Variants in TMEM163 observed in about 807,000 individuals in gnomAD.
TMEM163 encodes the protein transmembrane protein 163.
A neutral mutation model predicts 29.3 loss-of-function variants in TMEM163; 17 were observed. That is an observed-to-expected ratio of 0.58 (90% CI 0.40 to 0.87). The LOEUF is 0.87. Among genes scored for constraint, TMEM163 ranks in the 40% least tolerant of loss-of-function variants. TMEM163 has a pLI of 0.00. For missense variants in TMEM163, 303 were observed against 381.5 expected, an observed-to-expected ratio of 0.79 and a Z score of 1.71; for synonymous variants, 157 against 160.6, an observed-to-expected ratio of 0.98 and a Z score of 0.17.
chr2:134,517,203 T>C (rs1395941195), intron 4 of TMEM163, among the ~76,000 whole-genome samples: 1 of 152,196 alleles, frequency 6.6e-6, no homozygotes, highest in Non-Finnish European at 1.5e-5. Context: ...TCTGTGGACA[T>C]GAATTCCCTG....
intron 2 of TMEM163, among the ~76,000 whole-genome samples, chr2:134,662,017 C>T (rs1393841923): frequency 6.8e-6 from 1 of 147,688 alleles, no homozygotes; most frequent in Non-Finnish European, 1.5e-5. Flanking sequence ...CTGTAAGCTC[C>T]ACCTCCCGGG....
chr2:134,567,636 A>G (rs181989526), intron 2 of TMEM163, among the ~76,000 whole-genome samples: 3 of 152,318 alleles, frequency 2.0e-5, no homozygotes, highest in Admixed American at 6.5e-5. Context: ...GGTTGCAGTG[A>G]GCCTAGATCA....
chr2:134,533,353 TTGTG>T (rs1027368546), intron 4 of TMEM163, among the ~76,000 whole-genome samples: 7 of 152,304 alleles, frequency 4.6e-5, no homozygotes, highest in African/African-American at 1.7e-4. Context: ...AGTTGTGTGT[TTGTG>T]TGTGTGCACG....
At chr2:134,606,593 G>A (rs1174685115) in intron 2 of TMEM163, among the ~76,000 whole-genome samples, 4 of 152,152 alleles carry the variant, frequency 2.6e-5, no homozygotes, top group Non-Finnish European at 4.4e-5. Context: ...TGGGGAAGAG[G>A]AGCTGCGCGA....
intron 6 of TMEM163, among the ~76,000 whole-genome samples, chr2:134,465,189 T>TTAA (rs1553471745): frequency 8.5e-6 from 1 of 117,734 alleles, no homozygotes; most frequent in African/African-American, 3.7e-5. Flanking sequence ...TCCGCATCTT[T>TTAA]AAAAAAAAAA....
At chr2:134,660,119 G>A (rs1683715397) in intron 2 of TMEM163, among the ~76,000 whole-genome samples, 1 of 152,182 alleles carries the variant, frequency 6.6e-6, no homozygotes, top group Non-Finnish European at 1.5e-5. Context: ...AAGTCAGCAA[G>A]TGCTCCTATG....
At chr2:134,537,098 G>C (rs1680558645) in intron 4 of TMEM163, among the ~76,000 whole-genome samples, 1 of 152,322 alleles carries the variant, frequency 6.6e-6, no homozygotes, top group Non-Finnish European at 1.5e-5. Flanking sequence ...GTCTCACTTA[G>C]ACCCAAACCA....
At chr2:134,599,423 G>A (rs1303099906) in intron 2 of TMEM163, among the ~76,000 whole-genome samples, 1 of 152,126 alleles carries the variant, frequency 6.6e-6, no homozygotes, top group Non-Finnish European at 1.5e-5. Flanking sequence ...CCTAATGAAT[G>A]GGATTAGTGC....
intron 2 of TMEM163, among the ~76,000 whole-genome samples, chr2:134,555,574 G>C (rs532781077): frequency 1.3e-4 from 20 of 152,328 alleles, no homozygotes; most frequent in Middle Eastern, 3.4e-3. Flanking sequence ...GGGCGACCAG[G>C]CAGCCGTGGG....
At chr2:134,500,660 T>A (rs576080442) in intron 5 of TMEM163, among the ~76,000 whole-genome samples, 6 of 151,756 alleles carry the variant, frequency 4.0e-5, no homozygotes, top group Non-Finnish European at 1.5e-5. Context: ...AAAAGTGACA[T>A]CCTGTCATTC....
In TMEM163 at chr2:134,718,993, A is replaced by G; in HGVS notation, c.-58T>C. The G allele has an allele frequency of 3.1e-6, 3 of 962,412 alleles. No homozygotes were observed. Among genetic ancestry groups the G allele is most frequent in the Middle Eastern group, 5.2e-4 (1 of 1,932 alleles). The allele number at this position is 962,412 out of a possible 1,614,324, so 59.6% of individuals were successfully genotyped here. On this transcript the variant is annotated 5_prime_UTR_variant, in exon 1 of 8. Coordinates refer to ENST00000281924, the MANE Select transcript of TMEM163 (RefSeq NM_030923.5). ...GACAAGCGCGGCGGGGACTCGAGTCAGAAGTGCGAGGCGCCGCGGCTCTGG... is the reference window on the plus strand; with the variant it reads ...GACAAGCGCGGCGGGGACTCGAGTCGGAAGTGCGAGGCGCCGCGGCTCTGG...
chr2:134,601,878 C>G (rs973633896), intron 2 of TMEM163, among the ~76,000 whole-genome samples: 3 of 152,032 alleles, frequency 2.0e-5, no homozygotes, highest in Admixed American at 6.6e-5. Flanking sequence ...ACAGAGTAGA[C>G]AAAGCAAGCC....
intron 2 of TMEM163, among the ~76,000 whole-genome samples, chr2:134,554,207 G>A (rs983903535): frequency 3.3e-5 from 5 of 151,922 alleles, no homozygotes; most frequent in East Asian, 3.9e-4. Context: ...GGGGGATCAC[G>A]AGGTCAAGAG....
At chr2:134,579,786 A>G (rs1182302779) in intron 2 of TMEM163, among the ~76,000 whole-genome samples, 1 of 152,226 alleles carries the variant, frequency 6.6e-6, no homozygotes, top group Non-Finnish European at 1.5e-5. Flanking sequence ...AAATACTCAC[A>G]AAGTTGTGAA....
intron 2 of TMEM163, among the ~76,000 whole-genome samples, chr2:134,677,929 G>A (rs1381693532): frequency 1.3e-5 from 2 of 152,134 alleles, no homozygotes; most frequent in African/African-American, 4.8e-5. Context: ...TGACAGTAAG[G>A]AGAGACTCTG....
chr2:134,657,070 T>G (rs1450153089), intron 2 of TMEM163, among the ~76,000 whole-genome samples: 1 of 147,126 alleles, frequency 6.8e-6, no homozygotes, highest in African/African-American at 2.7e-5. Context: ...TTGTTGTGTC[T>G]TTGCCAGATT....
At chr2:134,510,067 C>T (rs751694399) in intron 4 of TMEM163, among the ~76,000 whole-genome samples, 44 of 152,222 alleles carry the variant, frequency 2.9e-4, no homozygotes, top group Non-Finnish European at 5.9e-4. Context: ...CCCTGTGTGT[C>T]CTGGAAGCTC....
At chr2:134,512,193 C>T (rs1679962636) in intron 4 of TMEM163, among the ~76,000 whole-genome samples, 1 of 152,230 alleles carries the variant, frequency 6.6e-6, no homozygotes, top group Admixed American at 6.5e-5. Context: ...CGCAATGTCT[C>T]ATGCCTGTAA....
chr2:134,539,881 C>G (rs1469866257), intron 4 of TMEM163, among the ~76,000 whole-genome samples: 4 of 152,194 alleles, frequency 2.6e-5, no homozygotes, highest in African/African-American at 9.6e-5. Flanking sequence ...CCCAAATCCC[C>G]ACTGACCAAG....
Sources: gnomAD v4.1 joint callset for allele counts (sites outside exome capture counted in the v4.1 genomes callset) on GRCh38, gnomAD v4.1.1 for gene constraint, MANE v1.5 for transcripts, NCBI Gene and HGNC (gene_info 2026-07-23, HGNC 2026-07-21) for gene names.